The following NLGN1 variants were observed in gnomAD, a reference collection of about 807,000 sequenced individuals.
NLGN1 encodes neuroligin 1, also known as neuroligin-1.
In NLGN1, 12 loss-of-function variants were observed where a neutral mutation model predicts 65.5. The ratio of observed to expected loss-of-function variants is 0.18; its 90% CI spans 0.12 to 0.30. The LOEUF (loss-of-function observed/expected upper bound fraction) is 0.30. Among genes scored for constraint, NLGN1 ranks in the 10% least tolerant of loss-of-function variants. NLGN1 has a pLI of 1.00. For missense variants in NLGN1, 750 were observed against 1,007.1 expected (o/e 0.74, Z 3.46); for synonymous variants, 350 against 359.5 (o/e 0.97, Z 0.30).
In NLGN1 at chr3:173,973,150, G is replaced by A. The variant is rs78343092; in HGVS notation, c.646+165318G>A. Among the ~76,000 whole-genome samples, 492 of 152,222 alleles carry A rather than the reference G, an allele frequency of 3.2e-3. 8 individuals are homozygous for A. Among genetic ancestry groups the A allele is most frequent in the African/African-American group, 0.011 (452 of 41,536 alleles). ...GTCTATATGACCCAATGCACTGGAA[G>A]TCTTTAGAACAATCTCTAGCATATT... On this transcript the variant is annotated intron_variant, in intron 4 of 6. Transcript: ENST00000457714.
chr3:173,585,424 G>A (rs1206657708), intron 2 of NLGN1, among the ~76,000 whole-genome samples: 1 of 152,056 alleles, frequency 6.6e-6, no homozygotes, highest in Non-Finnish European at 1.5e-5. Flanking sequence ...CGGCTGTCGT[G>A]GCTTCTAGGG....
chr3:173,406,997 A>G (rs958945632), intron 1 of NLGN1, among the ~76,000 whole-genome samples: 9 of 152,188 alleles, frequency 5.9e-5, no homozygotes, highest in African/African-American at 2.2e-4. Flanking sequence ...GTATTACTGA[A>G]GTAAGTAGGT....
intron 2 of NLGN1, among the ~76,000 whole-genome samples, chr3:173,585,496 T>C (rs1466764074): frequency 6.6e-6 from 1 of 151,520 alleles, no homozygotes; most frequent in Non-Finnish European, 1.5e-5. Context: ...CCTCTCTTCC[T>C]ACCCCTTCCC....
At chr3:173,716,188 G>A (rs1769816511) in intron 3 of NLGN1, among the ~76,000 whole-genome samples, 1 of 152,152 alleles carries the variant, frequency 6.6e-6, no homozygotes, top group South Asian at 2.1e-4. Flanking sequence ...GTTCAGGAAA[G>A]CGATTTGAAG....
At chr3:173,499,455 T>C (rs1228738639) in intron 2 of NLGN1, among the ~76,000 whole-genome samples, 1 of 151,920 alleles carries the variant, frequency 6.6e-6, no homozygotes, top group Admixed American at 6.5e-5. Flanking sequence ...TTGGTTACTG[T>C]AGCCTTGTAG....
chr3:173,884,987 CT>C (rs1297617877), intron 4 of NLGN1, among the ~76,000 whole-genome samples: 1 of 152,042 alleles, frequency 6.6e-6, no homozygotes, highest in African/African-American at 2.4e-5. Context: ...GGTTGCTGAT[CT>C]CATACATACA....
At chr3:173,431,815 C>A (rs1166613599) in intron 1 of NLGN1, among the ~76,000 whole-genome samples, 1 of 152,110 alleles carries the variant, frequency 6.6e-6, no homozygotes, top group African/African-American at 2.4e-5. Context: ...ATATGCCCAT[C>A]ATCATAGTAT....
intron 4 of NLGN1, among the ~76,000 whole-genome samples, chr3:174,234,047 T>C (rs1741206988): frequency 2.6e-5 from 4 of 152,142 alleles, no homozygotes; most frequent in Non-Finnish European, 5.9e-5. Flanking sequence ...TCCATGTGAA[T>C]AGAAGTGTTT....
intron 4 of NLGN1, among the ~76,000 whole-genome samples, chr3:174,240,262 A>G (rs1158370566): frequency 1.3e-5 from 2 of 152,162 alleles, no homozygotes; most frequent in Non-Finnish European, 2.9e-5. Flanking sequence ...AAGAAAAAAC[A>G]AAGTTGAAAT....
rs1246128214 is a variant in NLGN1 at position 173,946,087 on chromosome 3, A to G, written c.646+138255A>G. Among the ~76,000 whole-genome samples the G allele has an allele frequency of 3.9e-5, 6 of 152,180 alleles. No individual in the cohort carries two copies. The East Asian group carries it at 1.2e-3, about 29-fold the overall frequency. The stretch of plus-strand genomic sequence containing the variant: ...TTTTTCCTCACAGACTCACTTTAAC[A>G]CAACAGGAAAAGGCCCACCTAATAC... On this transcript the variant is annotated intron_variant, in intron 4 of 6. Transcript: ENST00000457714.
chr3:174,027,453 A>G (rs1410590237), intron 4 of NLGN1, among the ~76,000 whole-genome samples: 2 of 152,224 alleles, frequency 1.3e-5, no homozygotes, highest in Admixed American at 1.3e-4. Context: ...GAAAGACTAT[A>G]CATAAATACA....
At chr3:173,866,470 G>A (rs1032930178) in intron 4 of NLGN1, among the ~76,000 whole-genome samples, 35 of 152,142 alleles carry the variant, frequency 2.3e-4, no homozygotes, top group Non-Finnish European at 1.3e-4. Flanking sequence ...AAAAATAAAC[G>A]AATAAATGAA....
chr3:174,043,000 A>G (rs1732695377), intron 4 of NLGN1, among the ~76,000 whole-genome samples: 2 of 152,198 alleles, frequency 1.3e-5, no homozygotes, highest in African/African-American at 4.8e-5. Flanking sequence ...GGAAACTTAC[A>G]ATCATGGTGG....
intron 2 of NLGN1, among the ~76,000 whole-genome samples, chr3:173,440,423 C>T (rs546676940): frequency 6.6e-6 from 1 of 152,236 alleles, no homozygotes; most frequent in African/African-American, 2.4e-5. Flanking sequence ...ATTTACTTTG[C>T]CCAGATCCAT....
intron 1 of NLGN1, among the ~76,000 whole-genome samples, chr3:173,405,547 C>T (rs778042872): frequency 2.0e-5 from 3 of 151,864 alleles, no homozygotes; most frequent in Non-Finnish European, 4.4e-5. Context: ...AATACCATAG[C>T]GATAACTAAT....
Position 173,958,649 on chromosome 3 carries a change from G to T in NLGN1, c.646+150817G>T, listed in dbSNP as rs188896963. On this transcript the variant is annotated intron_variant, in intron 4 of 6. Transcript: ENST00000457714. ...AAAAGCACTGTAAGTTCCCACTCTGGTCTGTGAGACTGGCAGCCTGGCCCC... is the reference window on the plus strand; with the variant it reads ...AAAAGCACTGTAAGTTCCCACTCTGTTCTGTGAGACTGGCAGCCTGGCCCC... Among the ~76,000 whole-genome samples the T allele has an allele frequency of 7.4e-4, 112 of 152,282 alleles. No individual in the cohort carries two copies. In the Middle Eastern group the frequency reaches 0.014, roughly 18 times the overall value.
chr3:173,727,274 C>T (rs1047367950), intron 3 of NLGN1, among the ~76,000 whole-genome samples: 4 of 152,014 alleles, frequency 2.6e-5, no homozygotes, highest in Non-Finnish European at 2.9e-5. Flanking sequence ...CTTAAATGAC[C>T]GTTCCCAGAA....
intron 3 of NLGN1, among the ~76,000 whole-genome samples, chr3:173,615,978 C>T (rs1753002429): frequency 6.6e-6 from 1 of 151,942 alleles, no homozygotes. Context: ...TAAAGAGCTG[C>T]CCTCAAAGAG....
At chr3:173,789,907 A>G (rs756199301) in intron 3 of NLGN1, 53 of 510,780 alleles carry the variant, frequency 1.0e-4, no homozygotes, top group Middle Eastern at 6.3e-4. Flanking sequence ...CAGCATCTCT[A>G]TTGAGGACAA....
Sources: allele counts gnomAD v4.1 joint callset (sites outside exome capture counted in the v4.1 genomes callset), GRCh38; gene constraint gnomAD v4.1.1; transcripts MANE v1.5; gene names NCBI Gene and HGNC (gene_info 2026-07-23, HGNC 2026-07-21).